Variants in CUL1 observed in about 807,000 individuals in gnomAD.
CUL1 encodes cullin 1, also known as cullin-1.
CUL1 carries 24 observed loss-of-function variants against 118.0 expected under a neutral mutation model. That is an observed-to-expected ratio of 0.20 (90% CI 0.15 to 0.29). The LOEUF is 0.29. Among genes scored for constraint, CUL1 ranks in the 10% least tolerant of loss-of-function variants. The probability of loss-of-function intolerance (pLI) is 1.00; values close to 1 mark genes in which losing one functional copy is unlikely to be tolerated. For synonymous variants in CUL1, 332 were observed against 340.4 expected (o/e 0.98, Z 0.27); for missense variants, 361 against 933.8 (o/e 0.39, Z 7.99).
chr7:148,778,070 CAA>C (rs1203417069), intron 9 of CUL1, among the ~76,000 whole-genome samples: 2 of 13,792 alleles, frequency 1.5e-4, no homozygotes, highest in South Asian at 3.8e-3. Flanking sequence ...GACCCTGTCT[CAA>C]AAAAAAAAAA....
intron 1 of CUL1, among the ~76,000 whole-genome samples, chr7:148,704,208 G>A (rs1286485539): frequency 1.5e-5 from 2 of 129,126 alleles, no homozygotes; most frequent in East Asian, 4.5e-4. Context: ...TTTATAAAAA[G>A]AGGAGCAGGA....
intron 9 of CUL1, chr7:148,783,503 A>G (rs1800717973): frequency 2.3e-6 from 3 of 1,286,442 alleles, no homozygotes; most frequent in Non-Finnish European, 3.0e-6. Flanking sequence ...TGCTGTTTTC[A>G]TGATCTCTTT....
intron 3 of CUL1, among the ~76,000 whole-genome samples, 187 bp downstream of exon 3, chr7:148,754,337 TA>T (rs924125097): frequency 1.2e-4 from 18 of 152,344 alleles, no homozygotes; most frequent in African/African-American, 4.3e-4. Context: ...AACTATATTC[TA>T]GGGTTTTGTT....
At chr7:148,759,507 T>TTC (rs1563161271) in intron 5 of CUL1, 41 bp from the exon 6 acceptor site, 1 of 1,393,240 alleles carries the variant, frequency 7.2e-7, no homozygotes, top group Non-Finnish European at 1.0e-6. Flanking sequence ...ATATATCATA[T>TTC]TCTATAACCT....
intron 9 of CUL1, 177 bp from the exon 10 acceptor site, chr7:148,783,606 A>G: frequency 6.6e-7 from 1 of 1,522,614 alleles, no homozygotes; most frequent in Non-Finnish European, 8.8e-7. Flanking sequence ...TATAAACAAA[A>G]TGTCCTATGT....
At chr7:148,756,897 T>A in intron 3 of CUL1, 86 bp from the exon 4 acceptor site, 4 of 891,690 alleles carry the variant, frequency 4.5e-6, no homozygotes, top group Non-Finnish European at 6.5e-6. Context: ...CAATGTATTT[T>A]AATACAGTAG....
intron 2 of CUL1, 57 bp from the exon 3 acceptor site, chr7:148,753,919 A>G (rs1481935098): frequency 7.7e-7 from 1 of 1,297,202 alleles, no homozygotes; most frequent in Admixed American, 2.6e-5. Flanking sequence ...AAATATGTTT[A>G]TGTTAATGAC....
chr7:148,697,759 A>C (rs1206144462), upstream of CUL1: 1 of 152,210 alleles, frequency 6.6e-6, no homozygotes, highest in Non-Finnish European at 1.5e-5. Context: ...CCGTGGTATT[A>C]ATCAGCCACC....
chr7:148,702,360 A>T (rs768938874), intron 1 of CUL1, among the ~76,000 whole-genome samples: 3 of 152,184 alleles, frequency 2.0e-5, no homozygotes, highest in Non-Finnish European at 4.4e-5. Flanking sequence ...GTTCAAGCTT[A>T]CCTTTGCAGG....
rs145430991 is a variant in CUL1 at position 148,755,802 on chromosome 7, CAA to C, written c.316-1180_316-1179del. Reference sequence around the variant, plus strand: ...TAAATGAACAAAAAATTATTTGTCTCAAGAGATGATCCGGTTTTTACATGGCT... The same window carrying C: ...TAAATGAACAAAAAATTATTTGTCTCGAGATGATCCGGTTTTTACATGGCT... On this transcript the variant is annotated intron_variant, in intron 3 of 21. Transcript: ENST00000325222. Among the ~76,000 whole-genome samples the C allele has an allele frequency of 9.1e-4, 139 of 152,314 alleles. 1 individual carries two copies. The highest frequency in any genetic ancestry group is 3.5e-3 in the Admixed American group (53 of 15,308).
At position 148,792,118 on chromosome 7, in the gene CUL1, G is replaced by A. The variant is rs559944696; in HGVS notation, c.1807-608G>A. 3.9e-5 allele frequency among the ~76,000 whole-genome samples: 6 copies of A among 152,072 alleles called. No individual in the cohort carries two copies. In the South Asian group the frequency reaches 6.2e-4, roughly 16 times the overall value. The stretch of plus-strand genomic sequence containing the variant: ...GGAGAATCCCTTGAACCTGGGAGGC[G>A]GAGGTTGCAGTGAGTCGAGATTGTG... On this transcript the variant is annotated intron_variant, in intron 16 of 21. Coordinates refer to ENST00000325222, the MANE Select transcript of CUL1 (RefSeq NM_003592.3).
intron 1 of CUL1, among the ~76,000 whole-genome samples, chr7:148,699,799 T>G (rs1285617771): frequency 6.6e-6 from 1 of 152,036 alleles, no homozygotes; most frequent in African/African-American, 2.4e-5. Context: ...GGCCCTGCGC[T>G]GCGGCCTCGG....
chr7:148,732,210 G>C (rs1030245764), intron 2 of CUL1, among the ~76,000 whole-genome samples: 1 of 152,182 alleles, frequency 6.6e-6, no homozygotes, highest in Non-Finnish European at 1.5e-5. Flanking sequence ...GACACTGGTG[G>C]GATTTCTGAT....
At chr7:148,760,264 C>G in intron 6 of CUL1, 69 bp from the exon 7 acceptor site, 1 of 1,317,098 alleles carries the variant, frequency 7.6e-7, no homozygotes, top group Non-Finnish European at 1.0e-6. Flanking sequence ...AATGCTACAC[C>G]TAAGTATATT....
intron 1 of CUL1, among the ~76,000 whole-genome samples, chr7:148,720,934 C>G (rs1295183911): frequency 6.6e-6 from 1 of 152,166 alleles, no homozygotes; most frequent in Non-Finnish European, 1.5e-5. Flanking sequence ...TAGCCTAAAG[C>G]TTCAGTTTTC....
intron 1 of CUL1, among the ~76,000 whole-genome samples, chr7:148,703,662 AGCT>A (rs1563144357): frequency 6.6e-6 from 1 of 151,814 alleles, no homozygotes; most frequent in Non-Finnish European, 1.5e-5. Flanking sequence ...CCTCCCGAGT[AGCT>A]GGGATTACGG....
chr7:148,704,222 A>G (rs1797812582), intron 1 of CUL1, among the ~76,000 whole-genome samples: 1 of 149,212 alleles, frequency 6.7e-6, no homozygotes, highest in Non-Finnish European at 1.5e-5. Flanking sequence ...AGCAGGAAAC[A>G]TGAAAAAACT....
chr7:148,717,891 T>C (rs1057465770), intron 1 of CUL1, among the ~76,000 whole-genome samples: 6 of 152,250 alleles, frequency 3.9e-5, no homozygotes, highest in Non-Finnish European at 7.3e-5. Flanking sequence ...GTATGTTTAA[T>C]ATGGCAGCAA....
chr7:148,700,078 C>T (rs1052931295), intron 1 of CUL1, among the ~76,000 whole-genome samples: 1 of 152,202 alleles, frequency 6.6e-6, no homozygotes, highest in African/African-American at 2.4e-5. Flanking sequence ...AGAGGATTCT[C>T]TTTTCCGATT....
Sources: gnomAD v4.1 joint callset for allele counts (sites outside exome capture counted in the v4.1 genomes callset) on GRCh38, gnomAD v4.1.1 for gene constraint, MANE v1.5 for transcripts, NCBI Gene and HGNC (gene_info 2026-07-23, HGNC 2026-07-21) for gene names.